The following RYR3 variants were observed in gnomAD, a reference collection of about 807,000 sequenced individuals.
The protein encoded by RYR3 is ryanodine receptor 3, also known as brain ryanodine receptor-calcium release channel.
Under a neutral mutation model 584.3 loss-of-function variants are expected in RYR3, and 207 were observed. The observed-to-expected ratio is 0.35, with a 90% confidence interval of 0.32 to 0.40. The LOEUF is 0.40. Among genes scored for constraint, RYR3 ranks in the 10% least tolerant of loss-of-function variants. RYR3 has a pLI of 1.00. For synonymous variants in RYR3, 2,416 were observed against 2,248.5 expected, an observed-to-expected ratio of 1.07 and a Z score of -2.11; for missense variants, 5,616 against 6,089.2, an observed-to-expected ratio of 0.92 and a Z score of 2.59.
At chr15:33,846,035 G>A (rs1490452345) in intron 93 of RYR3, among the ~76,000 whole-genome samples, 1 of 152,210 alleles carries the variant, frequency 6.6e-6, no homozygotes, top group Admixed American at 6.5e-5. Context: ...CAGCTCCACA[G>A]GGGGACAACT....
chr15:33,335,431 G>T (rs974452802), intron 1 of RYR3, among the ~76,000 whole-genome samples: 1 of 152,190 alleles, frequency 6.6e-6, no homozygotes, highest in East Asian at 1.9e-4. Context: ...TACAGGAACA[G>T]AAAATCAAAT....
At chr15:33,822,810 A>G (rs530448294) in intron 80 of RYR3, among the ~76,000 whole-genome samples, 186 bp from the exon 81 acceptor site, 5 of 152,346 alleles carry the variant, frequency 3.3e-5, no homozygotes, top group South Asian at 4.1e-4. Context: ...ATGAATGTCA[A>G]TTCTGCCCTA....
intron 48 of RYR3, among the ~76,000 whole-genome samples, chr15:33,734,688 C>CTTT (rs11343337): frequency 4.4e-5 from 4 of 91,836 alleles, no homozygotes; most frequent in Non-Finnish European, 6.2e-5. Context: ...ATTTTTTTTT[C>CTTT]TTTTTTTTTT....
chr15:33,662,382 G>C lies in RYR3; in HGVS notation c.4852G>C (p.Ala1618Pro). 6.2e-7 allele frequency: 1 copy of C among 1,613,348 alleles called. No homozygotes were observed. Among genetic ancestry groups the C allele is most frequent in the Admixed American group, 1.7e-5 (1 of 59,918 alleles). Residue 1618 changes from alanine to proline, a missense_variant, in exon 35 of 104, where the codon GCC (alanine) becomes CCC (proline). Ala to Pro is a conservative substitution (Grantham distance 27). Coordinates refer to ENST00000634891, the MANE Select transcript of RYR3 (RefSeq NM_001036.6). The part of the protein sequence containing the change: ...DLLISIHLAS[A>P]KERKLMMKNE... ...GCTCATCAGCATCCACCTGGCCAGC[G>C]CCAAGGAGAGGAAGCTGATGATGAA... is the stretch of plus-strand genomic sequence containing the variant.
At chr15:33,795,119 T>G (rs2075515887) in intron 67 of RYR3, among the ~76,000 whole-genome samples, 1 of 152,228 alleles carries the variant, frequency 6.6e-6, no homozygotes, top group Non-Finnish European at 1.5e-5. Context: ...AGAGCCATCT[T>G]GGGCTTTCCT....
intron 1 of RYR3, among the ~76,000 whole-genome samples, chr15:33,359,068 C>T (rs1974379051): frequency 6.6e-6 from 1 of 152,194 alleles, no homozygotes; most frequent in Non-Finnish European, 1.5e-5. Context: ...ACCCTGAACA[C>T]ATTCTCCACT....
intron 1 of RYR3, among the ~76,000 whole-genome samples, chr15:33,343,037 T>G (rs1173280848): frequency 6.6e-6 from 1 of 152,228 alleles, no homozygotes; most frequent in Non-Finnish European, 1.5e-5. Flanking sequence ...AAAAATGCTA[T>G]TTTTGATAGT....
intron 3 of RYR3, among the ~76,000 whole-genome samples, chr15:33,504,742 C>T (rs1391988479): frequency 1.3e-5 from 2 of 152,164 alleles, no homozygotes; most frequent in African/African-American, 4.8e-5. Flanking sequence ...CACATCCCAC[C>T]AAGTACTCAG....
chr15:33,846,323 C>T (rs999708459), intron 93 of RYR3, among the ~76,000 whole-genome samples: 4 of 152,198 alleles, frequency 2.6e-5, no homozygotes, highest in African/African-American at 4.8e-5. Context: ...TGCACTGCTG[C>T]ATGGTAGAGG....
At chr15:33,793,040 T>G (rs1284419192) in intron 67 of RYR3, among the ~76,000 whole-genome samples, 1 of 152,172 alleles carries the variant, frequency 6.6e-6, no homozygotes, top group Non-Finnish European at 1.5e-5. Flanking sequence ...GAACTGCAAA[T>G]TCCATGGTTC....
At chr15:33,472,958 T>C (rs1256800926) in intron 1 of RYR3, among the ~76,000 whole-genome samples, 1 of 151,990 alleles carries the variant, frequency 6.6e-6, no homozygotes, top group Non-Finnish European at 1.5e-5. Flanking sequence ...AAAACATACT[T>C]TGCCTCTTCC....
intron 1 of RYR3, among the ~76,000 whole-genome samples, chr15:33,448,007 T>C (rs1230916680): frequency 5.3e-5 from 8 of 152,218 alleles, no homozygotes; most frequent in Admixed American, 4.6e-4. Context: ...AAATTACCAA[T>C]GTAAGAGATA....
chr15:33,344,884 A>G (rs1416511034), intron 1 of RYR3, among the ~76,000 whole-genome samples: 2 of 152,214 alleles, frequency 1.3e-5, no homozygotes, highest in African/African-American at 4.8e-5. Context: ...TAAGCATGAC[A>G]GAGGGTTAGC....
At chr15:33,387,749 A>T (rs1311345843) in intron 1 of RYR3, among the ~76,000 whole-genome samples, 1 of 152,148 alleles carries the variant, frequency 6.6e-6, no homozygotes, top group East Asian at 1.9e-4. Flanking sequence ...TCCATAGAAC[A>T]AAATGCTCTA....
chr15:33,693,857 G>T (rs10519861), intron 38 of RYR3, among the ~76,000 whole-genome samples: 45,835 of 152,112 alleles, frequency 0.3, 8,026 homozygotes, highest in Non-Finnish European at 0.4. Context: ...AAGGATGTTA[G>T]CTTTCAGTCC....
chr15:33,364,982 G>A (rs1318811145), intron 1 of RYR3, among the ~76,000 whole-genome samples: 11 of 152,168 alleles, frequency 7.2e-5, no homozygotes, highest in Non-Finnish European at 1.5e-4. Context: ...GCTTTCTCAG[G>A]AGCTGAGAGG....
chr15:33,540,865 G>A lies in RYR3; in HGVS notation c.621G>A (p.Thr207=), dbSNP rs370200639. The A allele has an allele frequency of 2.4e-4, 387 of 1,612,018 alleles. No individual in the cohort carries two copies. In the South Asian group the frequency reaches 3.4e-3, roughly 14 times the overall value. ...FMQTLWNVHP[T]CSGSSIEEGY... The stretch of plus-strand genomic sequence containing the variant: ...AAACACTCTGGAATGTACATCCTAC[G>A]TGCTCAGGAAGTAGCATCGAAGAAG... The change falls in exon 7 of 104, where the codon ACG becomes ACA. Residue 207 remains threonine, a synonymous_variant. Transcript: ENST00000634891.
intron 1 of RYR3, among the ~76,000 whole-genome samples, chr15:33,465,164 T>C (rs1345401112): frequency 2.6e-5 from 4 of 152,220 alleles, no homozygotes; most frequent in South Asian, 4.1e-4. Flanking sequence ...AGGTTGTTTT[T>C]GTATCTTGGC....
At chr15:33,489,346 C>T (rs1053062026) in intron 2 of RYR3, among the ~76,000 whole-genome samples, 1 of 152,102 alleles carries the variant, frequency 6.6e-6, no homozygotes, top group Non-Finnish European at 1.5e-5. Flanking sequence ...TTTTTCTGCT[C>T]CTCTCCCTCC....
Sources: gnomAD v4.1 joint callset for allele counts (sites outside exome capture counted in the v4.1 genomes callset) on GRCh38, gnomAD v4.1.1 for gene constraint, MANE v1.5 for transcripts, NCBI Gene and HGNC (gene_info 2026-07-23, HGNC 2026-07-21) for gene names.